The following ZNF587 variants were observed in gnomAD, a reference collection of about 807,000 sequenced individuals.
ZNF587 encodes zinc finger protein 587, also known as zinc finger protein zfp6.
A neutral mutation model predicts 7.5 loss-of-function variants in ZNF587; 8 were observed. The ratio of observed to expected loss-of-function variants is 1.06; its 90% confidence interval spans 0.62 to 1.92. The LOEUF is 1.92. Ranked by LOEUF, ZNF587 falls within the 40% of genes most tolerant of loss-of-function variation. The pLI is 0.00. For missense variants in ZNF587, 468 were observed against 692.8 expected (o/e 0.68, Z 3.64); for synonymous variants, 145 against 237.8 (o/e 0.61, Z 3.59).
rs2071422221 is a variant in ZNF587, at chr19:57,860,682, A to C, written c.*542A>C. 1.3e-5 allele frequency: 2 copies of C among 159,692 alleles called. No homozygotes were observed. Among genetic ancestry groups the C allele is most frequent in the African/African-American group, 4.8e-5 (2 of 41,484 alleles). 9.9% of individuals were successfully genotyped at this position (159,692 alleles called of 1,614,324 possible). On this transcript the variant is annotated 3_prime_UTR_variant, in exon 3 of 3. Transcript: ENST00000339656. ...TGGTTCATTGGAGGCCAGGAGTTAG[A>C]GATCAGCCTGGGCAACATAGCCAGA...
rs535270091 is a variant in ZNF587, at chr19:57,857,602, A to G, written c.164-974A>G. Among the ~76,000 whole-genome samples, 4 of 149,472 alleles carry G rather than the reference A, an allele frequency of 2.7e-5. No homozygotes were observed. In the South Asian group the frequency reaches 8.3e-4, roughly 31 times the overall value. On this transcript the variant is annotated intron_variant, in intron 2 of 2. Coordinates refer to ENST00000339656, the MANE Select transcript of ZNF587 (RefSeq NM_032828.4). ...TCTATATATATATAGATGTATATAT[A>G]TGTGTGTATGTGTATATATATATAT...
chr19:57,853,906 C>G (rs542507711), intron 1 of ZNF587: 2 of 152,308 alleles, frequency 1.3e-5, no homozygotes, highest in Admixed American at 1.3e-4. Context: ...CAGGCACCTG[C>G]CACCACAGCA....
rs533787243 is a variant in ZNF587, at chr19:57,864,807, T to A, written c.*4667T>A. ...TTTTTTTTTATTACACCAAATTATG[T>A]TCACACAAAACCTTTGTAATCAGGG... On this transcript the variant is annotated 3_prime_UTR_variant, in exon 3 of 3. Coordinates refer to ENST00000339656, the MANE Select transcript of ZNF587 (RefSeq NM_032828.4). The A allele has an allele frequency of 2.8e-4, 42 of 152,270 alleles. No individual in the cohort carries two copies. Among genetic ancestry groups the A allele is most frequent in the African/African-American group, 9.6e-4 (40 of 41,570 alleles). 9.4% of individuals were successfully genotyped at this position (152,270 alleles called of 1,614,324 possible). A position where few individuals can be genotyped will look rare whatever the true frequency, so the allele number is the denominator to read the frequency against.
rs779249223 is a variant in ZNF587, at chr19:57,856,176, C to T, written c.106C>T (p.Gln36Ter). 2.2e-5 allele frequency: 35 copies of T among 1,612,712 alleles called. No homozygotes were observed. The highest frequency in any genetic ancestry group is 3.0e-5 in the Non-Finnish European group (35 of 1,179,190). ...QEEWCLLSEAQRCLYRDVMLE... is the reference protein window; with the variant it reads ...QEEWCLLSEA Reference sequence around the variant, plus strand: ...GGAGTGGTGTCTTCTTAGTGAGGCTCAGAGGTGCTTGTACCGTGATGTGAT... The same window carrying T: ...GGAGTGGTGTCTTCTTAGTGAGGCTTAGAGGTGCTTGTACCGTGATGTGAT... The change falls in exon 2 of 3, where the codon CAG becomes TAG. Residue 36 changes from glutamine (Q) to a stop codon, truncating the protein, a stop_gained. Coordinates refer to ENST00000339656, the MANE Select transcript of ZNF587 (RefSeq NM_032828.4). LOFTEE classifies it high-confidence loss of function.
Position 57,859,398 on chromosome 19 carries a change from G to C in ZNF587, c.986G>C (p.Cys329Ser). The C allele has an allele frequency of 6.3e-7, 1 of 1,595,004 alleles. No homozygotes were observed. ...TGEGPYECRE[C>S]GKSFGQKGNL... The stretch of plus-strand genomic sequence containing the variant: ...GAAGGGCCTTATGAGTGTAGAGAAT[G>C]TGGGAAATCTTTTGGTCAAAAGGGT... Residue 329 changes from cysteine to serine, a missense_variant, in exon 3 of 3, where the codon TGT becomes TCT. Cys to Ser is a moderately radical substitution (Grantham distance 112, BLOSUM62 -1). Coordinates refer to ENST00000339656, the MANE Select transcript of ZNF587 (RefSeq NM_032828.4).
Position 57,861,524 on chromosome 19 carries a change from T to C in ZNF587, c.*1384T>C, listed in dbSNP as rs1338496817. ...TTTTGTATTTTCTGTAGAGAGGGTT[T>C]TACCTTTTTGCCCAGTCTGATCGCG... On this transcript the variant is annotated 3_prime_UTR_variant, in exon 3 of 3. Coordinates refer to ENST00000339656, the MANE Select transcript of ZNF587 (RefSeq NM_032828.4). 5 of 152,074 alleles carry C rather than the reference T, an allele frequency of 3.3e-5. No individual in the cohort carries two copies. The highest frequency in any genetic ancestry group is 7.4e-5 in the Non-Finnish European group (5 of 68,026). The allele number at this position is 152,074 out of a possible 1,614,324, so 9.4% of individuals were successfully genotyped here.
At chr19:57,857,853 C>G (rs2071382228) in intron 2 of ZNF587, among the ~76,000 whole-genome samples, 2 of 151,794 alleles carry the variant, frequency 1.3e-5, no homozygotes, top group Non-Finnish European at 2.9e-5. Flanking sequence ...CCAGGCTGGT[C>G]TCGAACTCCT....
Position 57,860,077 on chromosome 19 carries a change from A to C in ZNF587, c.1665A>C (p.Lys555Asn), listed in dbSNP as rs748058442. Reference sequence around the variant, plus strand: ...CTTATGAATGCACCAAATGTGGAAAAACATTTCAGCGAAGCTCTACCCTCC... The same window carrying C: ...CTTATGAATGCACCAAATGTGGAAACACATTTCAGCGAAGCTCTACCCTCC... ...ERPYECTKCG[K>N]TFQRSSTLLH... The change falls in exon 3 of 3, where the codon AAA becomes AAC. Residue 555 changes from lysine (K) to asparagine (N), a missense_variant. This residue lies in a region of ZNF587 where 310 missense variants were observed against 325.6 expected (regional missense o/e 0.95). Coordinates refer to ENST00000339656, the MANE Select transcript of ZNF587 (RefSeq NM_032828.4). 1 of 1,613,478 alleles carries C rather than the reference A, an allele frequency of 6.2e-7. No individual in the cohort carries two copies. Among genetic ancestry groups the C allele is most frequent in the South Asian group, 1.1e-5 (1 of 91,064 alleles).
intron 1 of ZNF587, 57 bp downstream of exon 1, chr19:57,850,128 C>G: frequency 6.2e-7 from 1 of 1,614,080 alleles, no homozygotes; most frequent in African/African-American, 1.3e-5. Context: ...AGGTCCTAAA[C>G]CAGCGAGGGA....
Position 57,860,869 on chromosome 19 carries a change from CTT to C in ZNF587, c.*734_*735del, listed in dbSNP as rs1402274699. 7.2e-5 allele frequency: 11 copies of C among 152,036 alleles called. No homozygotes were observed. The East Asian group carries it at 1.9e-3, about 27-fold the overall frequency. The allele number at this position is 152,036 out of a possible 1,614,324, so 9.4% of individuals were successfully genotyped here. A position where few individuals can be genotyped will look rare whatever the true frequency, so the allele number is the denominator to read the frequency against. ...TCACGTGATAGATTAAAGTACAACT[CTT>C]TTTTGAGACAGAGTCTCACTCTGTC... On this transcript the variant is annotated 3_prime_UTR_variant, in exon 3 of 3. Coordinates refer to ENST00000339656, the MANE Select transcript of ZNF587 (RefSeq NM_032828.4).
At position 57,863,993 on chromosome 19, in the gene ZNF587, A is replaced by G. The variant is rs760744022; in HGVS notation, c.*3853A>G. 5 of 150,400 alleles carry G rather than the reference A, an allele frequency of 3.3e-5. No homozygotes were observed. The highest frequency in any genetic ancestry group is 7.3e-5 in the African/African-American group (3 of 40,844). 9.3% of individuals were successfully genotyped at this position (150,400 alleles called of 1,614,324 possible). Reference sequence around the variant, plus strand: ...GGGAGGTGGAAGGTGCACTGAGCCAATATCACACCAGTGCACTCCAACCTG... The same window carrying G: ...GGGAGGTGGAAGGTGCACTGAGCCAGTATCACACCAGTGCACTCCAACCTG... On this transcript the variant is annotated 3_prime_UTR_variant, in exon 3 of 3. Transcript: ENST00000339656.
chr19:57,856,772 G>C (rs1568507430), intron 2 of ZNF587, among the ~76,000 whole-genome samples: 1 of 152,030 alleles, frequency 6.6e-6, no homozygotes, highest in Non-Finnish European at 1.5e-5. Flanking sequence ...GAAGGAGTCA[G>C]AGTCAGGAGT....
At chr19:57,853,056 T>A (rs1181548727) in intron 1 of ZNF587, among the ~76,000 whole-genome samples, 1 of 151,974 alleles carries the variant, frequency 6.6e-6, no homozygotes, top group Non-Finnish European at 1.5e-5. Context: ...TTTCACCATG[T>A]TGGCCAGGCT....
intron 2 of ZNF587, 99 bp downstream of exon 2, chr19:57,856,332 C>A (rs1459836591): frequency 7.3e-6 from 11 of 1,505,726 alleles, no homozygotes; most frequent in Admixed American, 2.3e-5. Flanking sequence ...AGCCTGGACA[C>A]AGGTTCCTTC....
rs35543941 is a variant in ZNF587 at position 57,852,840 on chromosome 19, C to CTTTTTTTTTTTTT, written c.33+2787_33+2799dup. On this transcript the variant is annotated intron_variant, in intron 1 of 2. Coordinates refer to ENST00000339656, the MANE Select transcript of ZNF587 (RefSeq NM_032828.4). Reference sequence around the variant, plus strand: ...AATGCGCCCAGCCGAGACAGCTAGGCTTTTTTTTTTTTTTTTTTTTTTTTT... The same window carrying CTTTTTTTTTTTTT: ...AATGCGCCCAGCCGAGACAGCTAGGCTTTTTTTTTTTTTTTTTTTTTTTTTTTTTTTTTTTTTT... Among the ~76,000 whole-genome samples, 7 of 25,284 alleles carry CTTTTTTTTTTTTT rather than the reference C, an allele frequency of 2.8e-4. 3 individuals are homozygous for CTTTTTTTTTTTTT. Among genetic ancestry groups the CTTTTTTTTTTTTT allele is most frequent in the African/African-American group, 1.3e-3 (7 of 5,336 alleles). 16.6% of individuals were successfully genotyped at this position (25,284 alleles called of 152,430 possible).
chr19:57,855,764 T>C (rs1033117335), intron 1 of ZNF587, among the ~76,000 whole-genome samples: 6 of 152,122 alleles, frequency 3.9e-5, no homozygotes, highest in African/African-American at 1.2e-4. Flanking sequence ...GGTTTCACCA[T>C]GTTAACCAGC....
At chr19:57,853,240 C>T (rs556709540) in intron 1 of ZNF587, among the ~76,000 whole-genome samples, 23 of 152,328 alleles carry the variant, frequency 1.5e-4, no homozygotes, top group South Asian at 2.1e-4. Context: ...CAGCTGTAAC[C>T]ATGCACACTG....
At chr19:57,855,565 GTTT>G (rs750033909) in intron 1 of ZNF587, among the ~76,000 whole-genome samples, 1 of 137,350 alleles carries the variant, frequency 7.3e-6, no homozygotes, top group African/African-American at 2.7e-5. Flanking sequence ...GGCTTTTTTT[GTTT>G]TTTTTTTTTT....
intron 1 of ZNF587, among the ~76,000 whole-genome samples, chr19:57,855,153 C>T (rs1268434934): frequency 3.1e-4 from 47 of 151,812 alleles, no homozygotes; most frequent in Non-Finnish European, 2.9e-5. Context: ...TACTGCCCTC[C>T]AGCCTGGGGG....
Sources: allele counts gnomAD v4.1 joint callset (sites outside exome capture counted in the v4.1 genomes callset), GRCh38; gene constraint gnomAD v4.1.1; regional missense constraint gnomAD v4.1.1; transcripts MANE v1.5; gene names NCBI Gene and HGNC (gene_info 2026-07-23, HGNC 2026-07-21).